NTM: variants seen among roughly 807,000 people sequenced by gnomAD.
NTM encodes IgLON family member 2.
A neutral mutation model predicts 42.1 loss-of-function variants in NTM; 13 were observed. The ratio of observed to expected loss-of-function variants is 0.31; its 90% confidence interval spans 0.20 to 0.49. NTM has a LOEUF of 0.49. NTM is among the 20% of genes least tolerant of loss of function. The pLI is 0.99. For synonymous variants in NTM, 187 were observed against 179.2 expected (o/e 1.04, Z -0.35); for missense variants, 373 against 452.8 (o/e 0.82, Z 1.60).
At chr11:132,118,140 G>A (rs1039000773) in intron 2 of NTM, among the ~76,000 whole-genome samples, 11 of 152,140 alleles carry the variant, frequency 7.2e-5, no homozygotes, top group African/African-American at 2.2e-4. Context: ...TAATTAAGCG[G>A]TAGCTTCAAA....
At chr11:132,030,086 G>T (rs2075724579) in intron 2 of NTM, among the ~76,000 whole-genome samples, 1 of 151,920 alleles carries the variant, frequency 6.6e-6, no homozygotes, top group Non-Finnish European at 1.5e-5. Flanking sequence ...TTGTTACTCA[G>T]GTCATTATTG....
At chr11:131,710,913 T>A (rs1429497411) in intron 1 of NTM, among the ~76,000 whole-genome samples, 1 of 152,026 alleles carries the variant, frequency 6.6e-6, no homozygotes, top group Non-Finnish European at 1.5e-5. Flanking sequence ...TAGAAATGCC[T>A]TTTCCCTGCC....
At chr11:131,789,904 C>A (rs948248756) in intron 1 of NTM, among the ~76,000 whole-genome samples, 8 of 133,860 alleles carry the variant, frequency 6.0e-5, no homozygotes, top group Non-Finnish European at 1.1e-4. Context: ...TGCAGTGAGC[C>A]GAGATCGCGC....
At chr11:131,483,128 A>C (rs961912285) in intron 1 of NTM, among the ~76,000 whole-genome samples, 3 of 152,212 alleles carry the variant, frequency 2.0e-5, no homozygotes, top group African/African-American at 7.2e-5. Flanking sequence ...TTCTGGGATG[A>C]CATGAGTTTC....
intron 1 of NTM, among the ~76,000 whole-genome samples, chr11:131,565,382 C>A (rs889515690): frequency 2.0e-5 from 3 of 152,222 alleles, no homozygotes; most frequent in Admixed American, 1.3e-4. Flanking sequence ...CCAGGTAGAG[C>A]GTCTCCTCGT....
At chr11:132,113,147 T>A (rs1019882242) in intron 2 of NTM, among the ~76,000 whole-genome samples, 12 of 152,198 alleles carry the variant, frequency 7.9e-5, no homozygotes, top group African/African-American at 2.4e-4. Context: ...CTGATTGCTT[T>A]GATCAGGTTA....
At chr11:132,291,763 G>A (rs2094457439) in intron 4 of NTM, among the ~76,000 whole-genome samples, 3 of 152,192 alleles carry the variant, frequency 2.0e-5, no homozygotes, top group South Asian at 2.1e-4. Flanking sequence ...AAAGGAGTGA[G>A]TTGTCAGCTA....
intron 1 of NTM, among the ~76,000 whole-genome samples, chr11:131,576,169 C>T (rs1289630291): frequency 1.3e-5 from 2 of 152,162 alleles, no homozygotes; most frequent in Non-Finnish European, 2.9e-5. Context: ...GCCCCCAGAC[C>T]ATAAATAACA....
intron 1 of NTM, among the ~76,000 whole-genome samples, chr11:131,741,387 G>A (rs924434008): frequency 6.6e-6 from 1 of 152,188 alleles, no homozygotes; most frequent in Non-Finnish European, 1.5e-5. Flanking sequence ...GCCTGAGCAC[G>A]AGGGATGCTG....
chr11:131,965,330 C>A (rs1474790819), intron 2 of NTM, among the ~76,000 whole-genome samples: 1 of 151,958 alleles, frequency 6.6e-6, no homozygotes, highest in Non-Finnish European at 1.5e-5. Flanking sequence ...GACTCAACGT[C>A]TCCTGGAAAG....
Position 131,938,235 on chromosome 11 carries a change from G to A in NTM, c.167+26587G>A, listed in dbSNP as rs142482882. ...GGAAGAAAAGGACAGGTGATGTGATGGAAAGTAACTGGAGTGTGTTGGTCA... is the reference window on the plus strand; with the variant it reads ...GGAAGAAAAGGACAGGTGATGTGATAGAAAGTAACTGGAGTGTGTTGGTCA... On this transcript the variant is annotated intron_variant, in intron 2 of 8. Transcript: ENST00000683400. 1.0e-2 allele frequency among the ~76,000 whole-genome samples: 1,522 copies of A among 152,348 alleles called. 10 individuals carry two copies. Among genetic ancestry groups the A allele is most frequent in the Non-Finnish European group, 0.015 (1,027 of 68,034 alleles).
At chr11:132,133,793 C>T (rs1245446548) in intron 2 of NTM, among the ~76,000 whole-genome samples, 4 of 152,070 alleles carry the variant, frequency 2.6e-5, no homozygotes, top group African/African-American at 4.8e-5. Context: ...ATCTCTTCAC[C>T]CTGGCTTACT....
intron 1 of NTM, chr11:131,660,580 C>T (rs770442787): frequency 8.7e-6 from 4 of 457,542 alleles, no homozygotes; most frequent in Non-Finnish European, 1.8e-5. Flanking sequence ...CCTCATGCCT[C>T]GAAACCTTGC....
At chr11:131,700,366 C>T (rs1199711285) in intron 1 of NTM, among the ~76,000 whole-genome samples, 1 of 152,186 alleles carries the variant, frequency 6.6e-6, no homozygotes, top group African/African-American at 2.4e-5. Flanking sequence ...CTCTTCTCCT[C>T]ATTCCACACT....
At chr11:131,806,578 C>T (rs2092495156) in intron 1 of NTM, among the ~76,000 whole-genome samples, 1 of 152,064 alleles carries the variant, frequency 6.6e-6, no homozygotes, top group South Asian at 2.1e-4. Context: ...ATCTGTACTA[C>T]CCTCTCATTT....
chr11:132,291,806 A>G (rs1473681680), intron 4 of NTM, among the ~76,000 whole-genome samples: 1 of 152,218 alleles, frequency 6.6e-6, no homozygotes, highest in African/African-American at 2.4e-5. Context: ...TTTTAAGAAA[A>G]TGCTAAGATG....
intron 1 of NTM, among the ~76,000 whole-genome samples, chr11:131,402,081 C>T (rs934013399): frequency 6.6e-6 from 1 of 151,198 alleles, no homozygotes; most frequent in African/African-American, 2.4e-5. Context: ...TTTGGAAAGA[C>T]AGCTGGCAGG....
rs1021877637 is a variant in NTM, at chr11:132,066,869, C to G, written c.168-79413C>G. On this transcript the variant is annotated intron_variant, in intron 2 of 8. Coordinates refer to ENST00000683400, the MANE Select transcript of NTM (RefSeq NM_001352005.2). ...ACTTAATTGCATCTGTAAATTACCC[C>G]CACCCCAACCTCCTCCACCAAACAC... 3.3e-5 allele frequency among the ~76,000 whole-genome samples: 5 copies of G among 152,296 alleles called. 1 individual carries two copies. Among genetic ancestry groups the G allele is most frequent in the Admixed American group, 3.3e-4 (5 of 15,290 alleles).
At chr11:131,883,515 C>T (rs1344607112) in intron 1 of NTM, among the ~76,000 whole-genome samples, 1 of 152,066 alleles carries the variant, frequency 6.6e-6, no homozygotes, top group East Asian at 1.9e-4. Context: ...GAAAAAACAG[C>T]ACCAGGTATA....
Sources: allele counts gnomAD v4.1 joint callset (sites outside exome capture counted in the v4.1 genomes callset), GRCh38; gene constraint gnomAD v4.1.1; transcripts MANE v1.5; gene names NCBI Gene and HGNC (gene_info 2026-07-23, HGNC 2026-07-21).